Variants in XKR9 observed in about 807,000 individuals in gnomAD.
XKR9 encodes the protein XK related 9, also known as XK-related protein 9.
XKR9 carries 32 observed loss-of-function variants against 32.0 expected under a neutral mutation model. That is an observed-to-expected ratio of 1.00 (90% CI 0.76 to 1.34). XKR9 has a LOEUF of 1.34. Ranked by LOEUF, XKR9 falls within the 40% of genes most tolerant of loss-of-function variation. The pLI is 0.00. For missense variants in XKR9, 546 were observed against 429.7 expected, an observed-to-expected ratio of 1.27 and a Z score of -2.39; for synonymous variants, 168 against 143.4, an observed-to-expected ratio of 1.17 and a Z score of -1.22.
chr8:70,783,514 A>T (rs1259461354), intron 2 of XKR9, among the ~76,000 whole-genome samples: 1 of 152,080 alleles, frequency 6.6e-6, no homozygotes, highest in Admixed American at 6.6e-5. Flanking sequence ...GAGAAAGTCT[A>T]TTTAGGCCCC....
downstream of XKR9, among the ~76,000 whole-genome samples, chr8:70,792,996 T>TG (rs1336942872): frequency 6.6e-6 from 1 of 152,142 alleles, no homozygotes; most frequent in Admixed American, 6.6e-5. Context: ...TGTTTTAACA[T>TG]GAATGGACTA....
At chr8:70,878,753 G>A in the XKR9 span, among the ~76,000 whole-genome samples, 1 of 152,096 alleles carries the variant, frequency 6.6e-6, no homozygotes, top group Non-Finnish European at 1.5e-5. Context: ...CAACGAGACA[G>A]AAAGTTAACA....
At chr8:70,739,764 A>G (rs1003362728), downstream of XKR9, among the ~76,000 whole-genome samples, 7 of 152,100 alleles carry the variant, frequency 4.6e-5, no homozygotes, top group African/African-American at 1.7e-4. Flanking sequence ...TGGGTTGAAA[A>G]TTCTTTTCTT....
chr8:70,676,182 G>A (rs1234079047), intron 2 of XKR9, among the ~76,000 whole-genome samples: 1 of 152,166 alleles, frequency 6.6e-6, no homozygotes, highest in Non-Finnish European at 1.5e-5. Context: ...GAGCAAAAAA[G>A]AGAGTAGTGG....
chr8:70,991,212 G>T, the XKR9 span, among the ~76,000 whole-genome samples: 1 of 152,152 alleles, frequency 6.6e-6, no homozygotes, highest in East Asian at 1.9e-4. Context: ...TGCATGTTGT[G>T]TAGGACTCAC....
At chr8:70,800,355 A>T in the XKR9 span, among the ~76,000 whole-genome samples, 252 of 152,196 alleles carry the variant, frequency 1.7e-3, no homozygotes, top group African/African-American at 6.0e-3. Context: ...CAGGTTTGGT[A>T]TCAGGATGAT....
At chr8:70,864,847 A>G in the XKR9 span, among the ~76,000 whole-genome samples, 1 of 152,182 alleles carries the variant, frequency 6.6e-6, no homozygotes, top group Non-Finnish European at 1.5e-5. Flanking sequence ...GATCTCCAGA[A>G]TAACCTTTTC....
At chr8:70,766,879 G>A (rs1807383545) in intron 2 of XKR9, among the ~76,000 whole-genome samples, 1 of 152,128 alleles carries the variant, frequency 6.6e-6, no homozygotes, top group Non-Finnish European at 1.5e-5. Context: ...CATTGGTTCT[G>A]TTTATGTGAC....
chr8:71,063,533 A>G, the XKR9 span, among the ~76,000 whole-genome samples: 1 of 151,968 alleles, frequency 6.6e-6, no homozygotes, highest in African/African-American at 2.4e-5. Context: ...CATCTTGGGG[A>G]AAAAAATTCA....
rs138132066 is a variant in XKR9, at chr8:70,765,086, A to G, written n.353-24253A>G. ...ATGTGACTTTATAGTAGAATGATTTATAATCCTTTGGGAATATACCCAGTA... is the reference window on the plus strand; with the variant it reads ...ATGTGACTTTATAGTAGAATGATTTGTAATCCTTTGGGAATATACCCAGTA... On this transcript the variant is annotated intron_variant and non_coding_transcript_variant, in intron 2 of 3. Coordinates refer to the XKR9 transcript ENST00000520273. 3.4e-3 allele frequency among the ~76,000 whole-genome samples: 516 copies of G among 152,350 alleles called. 3 individuals are homozygous for G. The highest frequency in any genetic ancestry group is 0.02 in the Middle Eastern group (6 of 294).
At chr8:70,876,969 T>C in the XKR9 span, among the ~76,000 whole-genome samples, 4 of 152,124 alleles carry the variant, frequency 2.6e-5, no homozygotes, top group African/African-American at 7.2e-5. Context: ...GCATCTGTAA[T>C]AGTAGTGTAT....
At chr8:71,032,281 CAAAAAAAAAA>C in the XKR9 span, among the ~76,000 whole-genome samples, 5 of 73,208 alleles carry the variant, frequency 6.8e-5, no homozygotes, top group African/African-American at 2.5e-4. Context: ...GAGACTCTGT[CAAAAAAAAAA>C]AAAAAAAAAA....
chr8:70,909,988 A>ATGAGGCACCATGACCGGCC, the XKR9 span, among the ~76,000 whole-genome samples: 1 of 152,026 alleles, frequency 6.6e-6, no homozygotes, highest in Non-Finnish European at 1.5e-5. Context: ...GATTACAGGC[A>ATGAGGCACCATGACCGGCC]TGAGGCACCA....
the XKR9 span, among the ~76,000 whole-genome samples, chr8:70,819,219 G>A: frequency 3.9e-5 from 6 of 152,256 alleles, no homozygotes; most frequent in East Asian, 1.2e-3. Context: ...GCCCCTTTGT[G>A]TCTAACTTAT....
chr8:70,940,148 T>C, the XKR9 span, among the ~76,000 whole-genome samples: 18 of 152,050 alleles, frequency 1.2e-4, no homozygotes, highest in African/African-American at 4.3e-4. Flanking sequence ...TCGGGAGTAG[T>C]AATTTCTAAA....
the XKR9 span, among the ~76,000 whole-genome samples, chr8:70,919,873 A>C: frequency 2.0e-5 from 3 of 152,208 alleles, no homozygotes; most frequent in African/African-American, 7.2e-5. Context: ...CATTTCAAAC[A>C]AACTTTTCTT....
the XKR9 span, among the ~76,000 whole-genome samples, chr8:70,909,622 GAC>G: frequency 6.6e-6 from 1 of 150,432 alleles, no homozygotes; most frequent in African/African-American, 2.4e-5. Flanking sequence ...CAGCCTGTGT[GAC>G]AGAGTGAGAC....
chr8:70,859,186 TA>T, the XKR9 span, among the ~76,000 whole-genome samples: 10 of 151,908 alleles, frequency 6.6e-5, no homozygotes, highest in African/African-American at 2.2e-4. Flanking sequence ...CAAAATTGGG[TA>T]AAAAATCTAA....
the XKR9 span, among the ~76,000 whole-genome samples, chr8:70,822,722 C>A: frequency 6.6e-6 from 1 of 152,002 alleles, no homozygotes; most frequent in Non-Finnish European, 1.5e-5. Context: ...TGACTTGTTT[C>A]CTTCCATCTC....
Sources: gnomAD v4.1 joint callset for allele counts (sites outside exome capture counted in the v4.1 genomes callset) on GRCh38, gnomAD v4.1.1 for gene constraint, MANE v1.5 for transcripts, NCBI Gene and HGNC (gene_info 2026-07-23, HGNC 2026-07-21) for gene names.